The following PECR variants were observed in gnomAD, a reference collection of about 807,000 sequenced individuals.
The protein encoded by PECR is 2,4-dienoyl-CoA reductase-related protein.
In PECR, 30 loss-of-function variants were observed where a neutral mutation model predicts 35.3. The ratio of observed to expected loss-of-function variants is 0.85; its 90% CI spans 0.64 to 1.15. The LOEUF (loss-of-function observed/expected upper bound fraction) is 1.15. Among genes scored for constraint, PECR ranks in the 50% most tolerant of loss-of-function variants. PECR has a pLI of 0.00. For missense variants in PECR, 392 were observed against 370.8 expected, an observed-to-expected ratio of 1.06 and a Z score of -0.47; for synonymous variants, 148 against 138.9, an observed-to-expected ratio of 1.07 and a Z score of -0.46.
chr2:216,055,723 C>G (rs961408734), intron 4 of PECR, among the ~76,000 whole-genome samples: 6 of 152,134 alleles, frequency 3.9e-5, no homozygotes, highest in Admixed American at 2.6e-4. Flanking sequence ...GCCCCAGAGC[C>G]CCAGGGCCAC....
At chr2:216,031,681 A>G (rs1279498115) in intron 7 of PECR, among the ~76,000 whole-genome samples, 1 of 115,488 alleles carries the variant, frequency 8.7e-6, no homozygotes, top group African/African-American at 4.0e-5. Context: ...GAAAGAAAGA[A>G]AGAAAGAAAG....
intron 1 of PECR, among the ~76,000 whole-genome samples, chr2:216,068,643 C>T (rs1004950750): frequency 4.6e-5 from 7 of 151,776 alleles, no homozygotes; most frequent in East Asian, 1.9e-4. Flanking sequence ...AAAAATGGTT[C>T]GTGTGTTTGT....
At chr2:216,029,114 ATTT>A (rs1559203084) in intron 7 of PECR, among the ~76,000 whole-genome samples, 104 of 152,352 alleles carry the variant, frequency 6.8e-4, no homozygotes, top group African/African-American at 2.5e-3. Context: ...TTATTTATTT[ATTT>A]AAAAGGAAAT....
At position 216,043,915 on chromosome 2, in the gene PECR, T is replaced by A; in HGVS notation, c.815A>T (p.Tyr272Phe). Residue 272 changes from tyrosine to phenylalanine, a missense_variant, in exon 7 of 8, where the codon TAT becomes TTT. Transcript: ENST00000265322. Reference sequence around the variant, plus strand: ...CCTCAGCTGCTCACCTGGTACCTCATACGAGTGAGTATAGAGACTCCGGCC... The same window carrying A: ...CCTCAGCTGCTCACCTGGTACCTCAAACGAGTGAGTATAGAGACTCCGGCC... ...DGGRSLYTHS[Y>F]EVPDHDNWPK... is the part of the protein sequence containing the mutation. 6.3e-7 allele frequency: 1 copy of A among 1,575,616 alleles called. No homozygotes were observed. Among genetic ancestry groups the A allele is most frequent in the Non-Finnish European group, 8.7e-7 (1 of 1,144,582 alleles).
rs1345547810 is a variant in PECR at position 216,030,964 on chromosome 2, A to T, written c.*440+8227T>A. ...CTCTCTCTCTCTCTCTCTCACACAC[A>T]CACACACACACACACACACACACAC... On this transcript the variant is annotated intron_variant and NMD_transcript_variant, in intron 7 of 7. Coordinates refer to the PECR transcript ENST00000442122. 7.1e-4 allele frequency among the ~76,000 whole-genome samples: 104 copies of T among 146,586 alleles called. 1 individual carries two copies. Among genetic ancestry groups the T allele is most frequent in the African/African-American group, 2.6e-3 (101 of 38,120 alleles).
chr2:216,079,151 CTTTTT>C (rs77646025), intron 1 of PECR, among the ~76,000 whole-genome samples: 1 of 99,396 alleles, frequency 1.0e-5, no homozygotes, highest in Non-Finnish European at 2.3e-5. Flanking sequence ...AATGTTTTTG[CTTTTT>C]TTTTTTTTTT....
At chr2:216,066,220 C>A (rs1695462827) in intron 2 of PECR, among the ~76,000 whole-genome samples, 165 bp downstream of exon 2, 1 of 152,224 alleles carries the variant, frequency 6.6e-6, no homozygotes, top group Non-Finnish European at 1.5e-5. Flanking sequence ...CCAGGATTCG[C>A]CGGCTCAGTA....
At chr2:216,048,344 G>C (rs182591763) in intron 6 of PECR, among the ~76,000 whole-genome samples, 4,104 of 150,532 alleles carry the variant, frequency 0.027, 89 homozygotes, top group Middle Eastern at 0.083. Flanking sequence ...CAAAGTGCTG[G>C]GATTACAGGC....
chr2:216,059,102 C>A lies in PECR; in HGVS notation c.425-126G>T, dbSNP rs1295853985. 5 of 702,298 alleles carry A rather than the reference C, an allele frequency of 7.1e-6. No individual in the cohort carries two copies. The African/African-American group carries it at 8.9e-5, about 13-fold the overall frequency. 43.5% of individuals were successfully genotyped at this position (702,298 alleles called of 1,614,324 possible). ...CCATTTACATTTCCTTATAAAAAGCCTGACTGAGGTAAAATTTATACATCA... is the reference window on the plus strand; with the variant it reads ...CCATTTACATTTCCTTATAAAAAGCATGACTGAGGTAAAATTTATACATCA... On this transcript the variant is annotated intron_variant, in intron 3 of 7. Transcript: ENST00000265322.
chr2:216,055,458 CAAAA>C (rs1695207847), intron 4 of PECR, among the ~76,000 whole-genome samples: 1 of 149,322 alleles, frequency 6.7e-6, no homozygotes, highest in African/African-American at 2.5e-5. Context: ...AACAAAAAAA[CAAAA>C]AAACAAACAA....
At chr2:216,070,731 T>C (rs1375396966) in intron 1 of PECR, among the ~76,000 whole-genome samples, 2 of 152,088 alleles carry the variant, frequency 1.3e-5, no homozygotes, top group Non-Finnish European at 2.9e-5. Flanking sequence ...ATTTATTGGG[T>C]AGAAAGAGCA....
intron 1 of PECR, among the ~76,000 whole-genome samples, chr2:216,067,140 C>T (rs535062716): frequency 2.0e-5 from 3 of 151,970 alleles, no homozygotes; most frequent in South Asian, 2.1e-4. Context: ...GTCTCCCTGG[C>T]GGAAGAGATG....
At chr2:216,078,774 C>T (rs899938993) in intron 1 of PECR, among the ~76,000 whole-genome samples, 1 of 152,108 alleles carries the variant, frequency 6.6e-6, no homozygotes, top group African/African-American at 2.4e-5. Flanking sequence ...AGACCAATGT[C>T]CTAATGTTTT....
At chr2:216,039,479 T>C (rs1694852025) in intron 7 of PECR, 119 bp from the exon 8 acceptor site, 2 of 722,026 alleles carry the variant, frequency 2.8e-6, no homozygotes, top group African/African-American at 1.7e-5. Context: ...AAAAAATAAA[T>C]CCTTAGGGCA....
intron 7 of PECR, among the ~76,000 whole-genome samples, chr2:216,042,670 C>T (rs949013444): frequency 2.0e-4 from 31 of 152,112 alleles, no homozygotes; most frequent in Middle Eastern, 3.4e-3. Flanking sequence ...CCCTTCAAAC[C>T]GCAAAGTTCT....
chr2:216,059,008 T>A (rs768393421), intron 3 of PECR, 32 bp from the exon 4 acceptor site: 3 of 1,357,822 alleles, frequency 2.2e-6, no homozygotes, highest in Non-Finnish European at 3.2e-6. Context: ...AATCATTAAA[T>A]TTTTAAAGTA....
At chr2:216,080,401 CATT>C (rs1695813248) in intron 1 of PECR, among the ~76,000 whole-genome samples, 2 of 152,170 alleles carry the variant, frequency 1.3e-5, no homozygotes, top group South Asian at 2.1e-4. Flanking sequence ...TAAACGGAAG[CATT>C]ATATTTCATT....
chr2:216,031,493 GAGAA>G (rs66825295), intron 7 of PECR, among the ~76,000 whole-genome samples: 6,103 of 124,808 alleles, frequency 0.049, 371 homozygotes, highest in African/African-American at 0.14. Flanking sequence ...AAGAAAGAAA[GAGAA>G]AGAAAGAGAG....
chr2:216,043,037 G>GTATATATATACACATACGTATATATGTA (rs1443360205), intron 7 of PECR, among the ~76,000 whole-genome samples: 19 of 32,156 alleles, frequency 5.9e-4, no homozygotes, highest in South Asian at 1.4e-3. Flanking sequence ...ATATATGTAT[G>GTATATATATACACATACGTATATATGTA]TGTATATATA....
Sources: gnomAD v4.1 joint callset for allele counts (sites outside exome capture counted in the v4.1 genomes callset) on GRCh38, gnomAD v4.1.1 for gene constraint, MANE v1.5 for transcripts, NCBI Gene and HGNC (gene_info 2026-07-23, HGNC 2026-07-21) for gene names.